FGD5: variants seen among roughly 807,000 people sequenced by gnomAD.
The protein encoded by FGD5 is FYVE, RhoGEF and PH domain-containing protein 5.
Under a neutral mutation model 133.4 loss-of-function variants are expected in FGD5, and 28 were observed. The observed-to-expected ratio is 0.21, with a 90% CI of 0.16 to 0.29. The LOEUF is 0.29. Among genes scored for constraint, FGD5 ranks in the 10% least tolerant of loss-of-function variants. The pLI, the probability that FGD5 is intolerant of heterozygous loss-of-function variation, is 1.00. For synonymous variants in FGD5, 810 were observed against 776.5 expected (o/e 1.04, Z -0.72); for missense variants, 1,858 against 1,895.2 (o/e 0.98, Z 0.36).
intron 1 of FGD5, among the ~76,000 whole-genome samples, chr3:14,854,863 A>G (rs2037245857): frequency 6.6e-6 from 1 of 152,222 alleles, no homozygotes; most frequent in South Asian, 2.1e-4. Flanking sequence ...TTGTGTTGGG[A>G]ACATTCAATA....
chr3:14,879,569 G>A (rs1287920943), intron 2 of FGD5, among the ~76,000 whole-genome samples: 2 of 152,182 alleles, frequency 1.3e-5, no homozygotes, highest in East Asian at 1.9e-4. Flanking sequence ...ATGTGCGCTC[G>A]CTCACTCACT....
At position 14,907,665 on chromosome 3, in the gene FGD5, T is replaced by C. The variant is rs745344599; in HGVS notation, c.3290T>C (p.Ile1097Thr). 1.2e-5 allele frequency: 19 copies of C among 1,613,630 alleles called. No individual in the cohort carries two copies. Among genetic ancestry groups the C allele is most frequent in the Non-Finnish European group, 1.4e-5 (17 of 1,179,720 alleles). Residue 1097 changes from isoleucine (I) to threonine (T), a missense_variant, in exon 10 of 20, where the codon ATT becomes ACT. Transcript: ENST00000285046. ...GAAAACCTGCAGAAGCTGGTCCACA[T>C]TGAGCACAGCGTCCGGGGCCAAGGG... ...QGENLQKLVH[I>T]EHSVRGQGDL...
At chr3:14,924,330 C>T (rs1285146532) in intron 17 of FGD5, among the ~76,000 whole-genome samples, 192 bp downstream of exon 17, 1 of 152,134 alleles carries the variant, frequency 6.6e-6, no homozygotes, top group East Asian at 1.9e-4. Flanking sequence ...TCTTTCCCAT[C>T]CTTCTCTCTA....
intron 1 of FGD5, among the ~76,000 whole-genome samples, chr3:14,852,846 T>G (rs1432880412): frequency 6.6e-6 from 1 of 152,136 alleles, no homozygotes; most frequent in Non-Finnish European, 1.5e-5. Flanking sequence ...GAGCCTCACT[T>G]CAGACACGAC....
chr3:14,855,271 G>A (rs746911691), intron 1 of FGD5, among the ~76,000 whole-genome samples: 7 of 152,184 alleles, frequency 4.6e-5, no homozygotes, highest in Non-Finnish European at 1.0e-4. Context: ...TGGATACCTA[G>A]GTTGATTCTG....
intron 1 of FGD5, among the ~76,000 whole-genome samples, chr3:14,837,894 T>C (rs896354292): frequency 1.3e-5 from 2 of 152,206 alleles, no homozygotes; most frequent in African/African-American, 4.8e-5. Flanking sequence ...TGACGTGACA[T>C]ACTTATTTTC....
At chr3:14,894,243 A>G (rs1403573402) in intron 4 of FGD5, among the ~76,000 whole-genome samples, 1 of 152,146 alleles carries the variant, frequency 6.6e-6, no homozygotes, top group Non-Finnish European at 1.5e-5. Flanking sequence ...CACTTAAGAT[A>G]ATGACTTTCA....
intron 4 of FGD5, among the ~76,000 whole-genome samples, chr3:14,890,533 T>C (rs1447518675): frequency 6.6e-6 from 1 of 152,148 alleles, no homozygotes; most frequent in African/African-American, 2.4e-5. Context: ...GGTATGATGA[T>C]GGGCCCAAGT....
At chr3:14,866,445 G>A (rs143332599) in intron 2 of FGD5, among the ~76,000 whole-genome samples, 121 of 152,044 alleles carry the variant, frequency 8.0e-4, no homozygotes, top group African/African-American at 2.7e-3. Context: ...CTGGTCTCCC[G>A]GCCACTGCTT....
chr3:14,916,307 C>T (rs907568495), intron 11 of FGD5, among the ~76,000 whole-genome samples: 14 of 152,166 alleles, frequency 9.2e-5, no homozygotes, highest in African/African-American at 2.7e-4. Flanking sequence ...CAACCCTGAG[C>T]GTGATGTCAT....
rs1263990735 is a variant in FGD5, at chr3:14,811,073, CTG to C, written c.13+209_13+210del. On this transcript the variant is annotated intron_variant, in intron 1 of 1. Coordinates refer to the FGD5 transcript ENST00000640506. ...ACCGGGGGTCCCCGTCCGAAGCGCC[CTG>C]CCTCAGGGACCTTCTCAGCCTTGGC... Among the ~76,000 whole-genome samples, 75 of 152,248 alleles carry C rather than the reference CTG, an allele frequency of 4.9e-4. No homozygotes were observed. In the Middle Eastern group the frequency reaches 0.01, roughly 21 times the overall value.
At chr3:14,908,949 T>TATTTATTC (rs1553630948) in intron 10 of FGD5, among the ~76,000 whole-genome samples, 48 of 141,132 alleles carry the variant, frequency 3.4e-4, no homozygotes, top group South Asian at 1.6e-3. Flanking sequence ...TTTATTTATT[T>TATTTATTC]ATTCATTCAT....
intron 9 of FGD5, among the ~76,000 whole-genome samples, chr3:14,906,016 G>T (rs2038332835): frequency 6.6e-6 from 1 of 152,126 alleles, no homozygotes; most frequent in African/African-American, 2.4e-5. Flanking sequence ...GGGTTTTGCT[G>T]CCGTGTCATC....
At chr3:14,903,356 T>C (rs2038279070) in intron 9 of FGD5, among the ~76,000 whole-genome samples, 1 of 151,444 alleles carries the variant, frequency 6.6e-6, no homozygotes, top group African/African-American at 2.4e-5. Flanking sequence ...TGAACATCTT[T>C]ATTATTATTA....
chr3:14,854,959 C>A (rs2037249068), intron 1 of FGD5, among the ~76,000 whole-genome samples: 1 of 152,116 alleles, frequency 6.6e-6, no homozygotes, highest in African/African-American at 2.4e-5. Context: ...AGAACTTATT[C>A]CTCTTATCTG....
intron 1 of FGD5, among the ~76,000 whole-genome samples, chr3:14,858,003 A>G (rs1369649838): frequency 6.6e-6 from 1 of 151,864 alleles, no homozygotes; most frequent in East Asian, 1.9e-4. Context: ...GATTCCACCC[A>G]GGCAGTCTGT....
rs953477622 is a variant in FGD5, at chr3:14,921,923, G to A, written c.3575G>A (p.Cys1192Tyr). 6.4e-7 allele frequency: 1 copy of A among 1,566,252 alleles called. No individual in the cohort carries two copies. The highest frequency in any genetic ancestry group is 1.7e-4 in the Middle Eastern group (1 of 6,010). The stretch of plus-strand genomic sequence containing the variant: ...ACTCCAGCCCATGCCCGCAGCTCCT[G>A]TGCAGAGAGGGACGAGTGGTATGGC... ...ESCLMLSASS[C>Y]AERDEWYGCL... Residue 1192 changes from cysteine (C) to tyrosine (Y), a missense_variant, in exon 14 of 20, where the codon TGT becomes TAT. Physicochemically the swap from Cys to Tyr is radical, Grantham distance 194. Coordinates refer to ENST00000285046, the MANE Select transcript of FGD5 (RefSeq NM_152536.4).
At chr3:14,895,893 G>A (rs1898040) in intron 4 of FGD5, among the ~76,000 whole-genome samples, 1 of 152,034 alleles carries the variant, frequency 6.6e-6, no homozygotes, top group African/African-American at 2.4e-5. Flanking sequence ...AGCTGAAGAC[G>A]CCACCAAGAA....
chr3:14,832,439 A>G (rs2036730133), intron 1 of FGD5, among the ~76,000 whole-genome samples: 1 of 152,226 alleles, frequency 6.6e-6, no homozygotes, highest in South Asian at 2.1e-4. Context: ...TTAAGGTCAC[A>G]CAGCTGGTCA....
Sources: gnomAD v4.1 joint callset for allele counts (sites outside exome capture counted in the v4.1 genomes callset) on GRCh38, gnomAD v4.1.1 for gene constraint, MANE v1.5 for transcripts, NCBI Gene and HGNC (gene_info 2026-07-23, HGNC 2026-07-21) for gene names.